The following GLYATL2 variants were observed in gnomAD, a reference collection of about 807,000 sequenced individuals.
GLYATL2 encodes the protein glycine N-acyltransferase-like protein 2.
Under a neutral mutation model 21.4 loss-of-function variants are expected in GLYATL2, and 25 were observed. The ratio of observed to expected loss-of-function variants is 1.17; its 90% CI spans 0.85 to 1.63. GLYATL2 has a LOEUF of 1.63. GLYATL2 is among the 40% of genes most tolerant of loss of function. The probability of loss-of-function intolerance (pLI) is 0.00; values close to 1 mark genes in which losing one functional copy is unlikely to be tolerated. For synonymous variants in GLYATL2, 114 were observed against 118.2 expected, an observed-to-expected ratio of 0.96 and a Z score of 0.23; for missense variants, 361 against 343.3, an observed-to-expected ratio of 1.05 and a Z score of -0.41.
At chr11:58,907,127 C>A (rs1312065970), upstream of GLYATL2, 1 of 365,056 alleles carries the variant, frequency 2.7e-6, no homozygotes, top group Non-Finnish European at 5.5e-6. Context: ...TGGTTCTTTC[C>A]TGGCCTTGGA....
intron 1 of GLYATL2, among the ~76,000 whole-genome samples, chr11:58,857,110 T>A (rs1853841822): frequency 6.6e-6 from 1 of 152,212 alleles, no homozygotes; most frequent in African/African-American, 2.4e-5. Flanking sequence ...CTGTTTTGCA[T>A]AAGGCTACAC....
At chr11:58,878,151 G>A (rs1242030531) in intron 1 of GLYATL2, among the ~76,000 whole-genome samples, 1 of 152,150 alleles carries the variant, frequency 6.6e-6, no homozygotes, top group Non-Finnish European at 1.5e-5. Context: ...CACCCCTGGA[G>A]CCTCTGTGAA....
intron 1 of GLYATL2, among the ~76,000 whole-genome samples, chr11:58,871,186 A>T (rs1590736337): frequency 1.3e-5 from 2 of 152,338 alleles, no homozygotes; most frequent in African/African-American, 4.8e-5. Flanking sequence ...ACAGGCCATT[A>T]GATACATATG....
At chr11:58,875,133 A>G (rs1219782802) in intron 1 of GLYATL2, among the ~76,000 whole-genome samples, 25 of 151,496 alleles carry the variant, frequency 1.7e-4, no homozygotes, top group Non-Finnish European at 2.5e-4. Context: ...TTTGTTTTCC[A>G]TTTGCTTGGT....
At chr11:58,901,409 C>G (rs1422284095) in intron 1 of GLYATL2, among the ~76,000 whole-genome samples, 1 of 152,108 alleles carries the variant, frequency 6.6e-6, no homozygotes, top group Non-Finnish European at 1.5e-5. Flanking sequence ...ATTACTGGGC[C>G]TCACCCCAGA....
intron 1 of GLYATL2, among the ~76,000 whole-genome samples, chr11:58,872,598 T>C (rs1241072252): frequency 6.6e-6 from 1 of 152,240 alleles, no homozygotes; most frequent in Non-Finnish European, 1.5e-5. Flanking sequence ...TAGCTGTAGA[T>C]ATGCATCATT....
chr11:58,837,364 T>G lies in GLYATL2; in HGVS notation c.220A>C (p.Thr74Pro). The change falls in exon 4 of 6, where the codon ACT becomes CCT. Residue 74 changes from threonine to proline, a missense_variant. Transcript: ENST00000287275. ...GGAGCTTTGGTGAAGATGTGGTAAG[T>G]GTTGGTATAATGATCCTGGTCATCT... ...MKDDQDHYTN[T>P]YHIFTKAPDK... is the part of the protein sequence containing the mutation. The G allele has an allele frequency of 6.2e-7, 1 of 1,613,490 alleles. No individual in the cohort carries two copies. Among genetic ancestry groups the G allele is most frequent in the African/African-American group, 1.3e-5 (1 of 75,034 alleles).
At chr11:58,907,534 C>G (rs917191658), upstream of GLYATL2, 1 of 362,462 alleles carries the variant, frequency 2.8e-6, no homozygotes, top group African/African-American at 2.1e-5. Context: ...CCCTGTTACT[C>G]CATTTTGGCC....
At chr11:58,887,920 C>T (rs1193761014) in intron 1 of GLYATL2, among the ~76,000 whole-genome samples, 2 of 152,164 alleles carry the variant, frequency 1.3e-5, no homozygotes, top group African/African-American at 4.8e-5. Context: ...ATTATCTTCT[C>T]AAAGGATTCC....
At position 58,876,119 on chromosome 11, in the gene GLYATL2, G is replaced by A. The variant is rs539311199; in HGVS notation, n.60+28037C>T. ...CTTGTGCATTCATCACGTTGTTCTC[G>A]TGCCATGGATTTCAGCTCCATCAGG... is the stretch of plus-strand genomic sequence containing the variant. On this transcript the variant is annotated intron_variant and non_coding_transcript_variant, in intron 1 of 4. Coordinates refer to the GLYATL2 transcript ENST00000533636. 5.3e-5 allele frequency among the ~76,000 whole-genome samples: 8 copies of A among 152,184 alleles called. No individual in the cohort carries two copies. In the South Asian group the frequency reaches 1.0e-3, roughly 20 times the overall value.
intron 1 of GLYATL2, among the ~76,000 whole-genome samples, chr11:58,895,861 T>C (rs1590754229): frequency 8.0e-6 from 1 of 125,474 alleles, no homozygotes; most frequent in Non-Finnish European, 1.6e-5. Flanking sequence ...GGTTTCCTCT[T>C]TTTTTTTTTT....
upstream of GLYATL2, chr11:58,907,135 G>C (rs1854912405): frequency 7.8e-5 from 29 of 370,218 alleles, no homozygotes; most frequent in South Asian, 6.0e-4. Flanking sequence ...TCCTGGCCTT[G>C]GAAAGTTTTC....
intron 1 of GLYATL2, among the ~76,000 whole-genome samples, chr11:58,900,514 C>A (rs1451953332): frequency 1.3e-5 from 2 of 152,136 alleles, no homozygotes; most frequent in Non-Finnish European, 2.9e-5. Context: ...CTGTCAGCAC[C>A]AGAAATACCC....
chr11:58,863,708 T>C (rs569873535), intron 1 of GLYATL2, among the ~76,000 whole-genome samples: 1 of 152,270 alleles, frequency 6.6e-6, no homozygotes, highest in African/African-American at 2.4e-5. Context: ...GTATGAGTTC[T>C]GGCCTAGAAC....
chr11:58,909,326 C>G, the GLYATL2 span, among the ~76,000 whole-genome samples: 3 of 151,986 alleles, frequency 2.0e-5, no homozygotes, highest in African/African-American at 7.2e-5. Context: ...CAGCATGGTG[C>G]CTATAGTTAA....
At chr11:58,871,767 A>G (rs1854125924) in intron 1 of GLYATL2, among the ~76,000 whole-genome samples, 1 of 152,262 alleles carries the variant, frequency 6.6e-6, no homozygotes, top group South Asian at 2.1e-4. Flanking sequence ...TCTTTATAGC[A>G]GCATGATTTA....
At chr11:58,900,849 T>C (rs1295856899) in intron 1 of GLYATL2, among the ~76,000 whole-genome samples, 1 of 150,736 alleles carries the variant, frequency 6.6e-6, no homozygotes, top group Non-Finnish European at 1.5e-5. Flanking sequence ...CTTTCATTGA[T>C]GTCAACCCAT....
chr11:58,905,806 C>T (rs919143679), upstream of GLYATL2: 2 of 383,904 alleles, frequency 5.2e-6, no homozygotes, highest in African/African-American at 2.1e-5. Context: ...CGAGCGCGTG[C>T]GCCCAGGCGT....
At chr11:58,886,165 C>T (rs1854436104) in intron 1 of GLYATL2, among the ~76,000 whole-genome samples, 1 of 152,078 alleles carries the variant, frequency 6.6e-6, no homozygotes, top group Non-Finnish European at 1.5e-5. Context: ...TGCATTGAGC[C>T]AAGATCACAC....
Sources: gnomAD v4.1 joint callset for allele counts (sites outside exome capture counted in the v4.1 genomes callset) on GRCh38, gnomAD v4.1.1 for gene constraint, MANE v1.5 for transcripts, NCBI Gene and HGNC (gene_info 2026-07-23, HGNC 2026-07-21) for gene names.